The following CCDC171 variants were observed in gnomAD, a reference collection of about 807,000 sequenced individuals.
CCDC171 encodes coiled-coil domain-containing protein 171.
Under a neutral mutation model 168.2 loss-of-function variants are expected in CCDC171, and 177 were observed. The ratio of observed to expected loss-of-function variants is 1.05; its 90% CI spans 0.93 to 1.19. The LOEUF (loss-of-function observed/expected upper bound fraction) is 1.19, where lower values mean the gene tolerates loss of function less well. CCDC171 is among the 50% of genes most tolerant of loss of function. The pLI, the probability that CCDC171 is intolerant of heterozygous loss-of-function variation, is 0.00. For missense variants in CCDC171, 1,991 were observed against 1,539.0 expected (o/e 1.29, Z -4.91); for synonymous variants, 687 against 540.8 (o/e 1.27, Z -3.75).
At chr9:15,620,605 A>G (rs1406995225) in intron 6 of CCDC171, among the ~76,000 whole-genome samples, 1 of 152,232 alleles carries the variant, frequency 6.6e-6, no homozygotes, top group Non-Finnish European at 1.5e-5. Context: ...CCTGGTGGAG[A>G]TGCTGTGAAC....
rs759311081 is a variant in CCDC171 at position 15,723,727 on chromosome 9, C to G, written c.1472C>G (p.Ser491Cys). 9.1e-6 allele frequency: 14 copies of G among 1,540,262 alleles called. No individual in the cohort carries two copies. The highest frequency in any genetic ancestry group is 1.2e-5 in the Non-Finnish European group (14 of 1,121,216). The change falls in exon 13 of 26, where the codon TCT becomes TGT. Residue 491 changes from serine to cysteine, a missense_variant. Physicochemically the swap from Ser to Cys is moderately radical, Grantham distance 112. Coordinates refer to ENST00000380701, the MANE Select transcript of CCDC171 (RefSeq NM_173550.4). ...GATTCTACGAAACAGAAGATAGACT[C>G]TCACACTAAAAATATAAAGGTATTA... ...ELDSTKQKID[S>C]HTKNIKELQD...
chr9:16,004,556 A>C (rs1004202985), intron 3 of CCDC171, among the ~76,000 whole-genome samples: 1 of 152,072 alleles, frequency 6.6e-6, no homozygotes, highest in Non-Finnish European at 1.5e-5. Flanking sequence ...TTTAACTGTG[A>C]ATGCCCTTGG....
At chr9:15,958,662 A>G (rs1830051942) in intron 25 of CCDC171, among the ~76,000 whole-genome samples, 3 of 151,868 alleles carry the variant, frequency 2.0e-5, no homozygotes, top group African/African-American at 7.2e-5. Flanking sequence ...GCCTCCTTCT[A>G]AATAGAAAGG....
intron 11 of CCDC171, among the ~76,000 whole-genome samples, chr9:15,718,454 G>A (rs1237042151): frequency 6.6e-6 from 1 of 152,226 alleles, no homozygotes; most frequent in African/African-American, 2.4e-5. Flanking sequence ...CCTGCTTATT[G>A]TAGAGCCCTA....
At chr9:15,671,597 C>A (rs2133257468) in intron 9 of CCDC171, among the ~76,000 whole-genome samples, 1 of 147,492 alleles carries the variant, frequency 6.8e-6, no homozygotes, top group East Asian at 2.1e-4. Flanking sequence ...CTATGAGTGA[C>A]AACATGCAGT....
chr9:16,042,336 G>A (rs1427769152), upstream of CCDC171, among the ~76,000 whole-genome samples: 1 of 152,196 alleles, frequency 6.6e-6, no homozygotes, highest in East Asian at 1.9e-4. Context: ...AGAGGATCAT[G>A]AGGATTCTGG....
chr9:15,563,889 A>G (rs752180518), intron 1 of CCDC171, 89 bp from the exon 2 acceptor site: 63 of 530,878 alleles, frequency 1.2e-4, no homozygotes, highest in Non-Finnish European at 1.9e-4. Context: ...ATCAATTATT[A>G]CATCTTTCCA....
rs79225072 is a variant in CCDC171 at position 15,763,348 on chromosome 9, C to T, written c.2672-14252C>T. Among the ~76,000 whole-genome samples, 512 of 152,294 alleles carry T rather than the reference C, an allele frequency of 3.4e-3. 3 individuals carry two copies. Among genetic ancestry groups the T allele is most frequent in the African/African-American group, 0.012 (501 of 41,548 alleles). Reference sequence around the variant, plus strand: ...GCATGATTGAATGGATCATGCTCCACATTGTTGACCTCAATATCTAGTTCT... The same window carrying T: ...GCATGATTGAATGGATCATGCTCCATATTGTTGACCTCAATATCTAGTTCT... On this transcript the variant is annotated intron_variant, in intron 18 of 25. Coordinates refer to ENST00000380701, the MANE Select transcript of CCDC171 (RefSeq NM_173550.4).
At chr9:15,870,264 G>A (rs2061979377) in intron 23 of CCDC171, among the ~76,000 whole-genome samples, 1 of 151,772 alleles carries the variant, frequency 6.6e-6, no homozygotes, top group Non-Finnish European at 1.5e-5. Context: ...AAGCAGTAAG[G>A]AATCAGTGGG....
intron 10 of CCDC171, among the ~76,000 whole-genome samples, chr9:15,683,056 T>C (rs2050143910): frequency 6.6e-6 from 1 of 152,010 alleles, no homozygotes; most frequent in African/African-American, 2.4e-5. Flanking sequence ...CTTTCTTCAA[T>C]GAAATTTTCT....
intron 8 of CCDC171, among the ~76,000 whole-genome samples, chr9:15,661,009 G>T (rs775208340): frequency 3.9e-5 from 6 of 151,910 alleles, no homozygotes; most frequent in Non-Finnish European, 7.4e-5. Context: ...TGCCGGGCGC[G>T]GGGGCTCACG....
At chr9:15,874,066 T>C (rs996928753) in intron 23 of CCDC171, among the ~76,000 whole-genome samples, 1 of 152,134 alleles carries the variant, frequency 6.6e-6, no homozygotes, top group Admixed American at 6.6e-5. Context: ...GTTTTGATTC[T>C]AGAGTACATG....
At chr9:16,059,059 A>G (rs887515347) in intron 1 of CCDC171, among the ~76,000 whole-genome samples, 1 of 152,182 alleles carries the variant, frequency 6.6e-6, no homozygotes, top group Non-Finnish European at 1.5e-5. Context: ...CTGTCTCCAC[A>G]GTGACCTCGC....
At chr9:15,693,769 A>T (rs560774979) in intron 10 of CCDC171, among the ~76,000 whole-genome samples, 4 of 152,160 alleles carry the variant, frequency 2.6e-5, no homozygotes, top group African/African-American at 7.2e-5. Flanking sequence ...TTTAACATCA[A>T]TCTTTAAATG....
chr9:15,803,993 C>T (rs2058953979), intron 21 of CCDC171, among the ~76,000 whole-genome samples: 1 of 152,012 alleles, frequency 6.6e-6, no homozygotes, highest in Admixed American at 6.6e-5. Flanking sequence ...CTTTTTGTGG[C>T]AATTGTGAAT....
At chr9:16,103,064 AG>A in the CCDC171 span, among the ~76,000 whole-genome samples, 1 of 152,210 alleles carries the variant, frequency 6.6e-6, no homozygotes, top group Non-Finnish European at 1.5e-5. Flanking sequence ...TCACCTCCTG[AG>A]GGGACCTGCA....
intron 5 of CCDC171, chr9:16,022,659 C>G (rs1199536472): frequency 6.6e-6 from 1 of 152,260 alleles, no homozygotes; most frequent in Non-Finnish European, 1.5e-5. Flanking sequence ...ATTAACACAC[C>G]TGAAATTGAG....
At chr9:15,795,954 A>G (rs562374988) in intron 21 of CCDC171, among the ~76,000 whole-genome samples, 7 of 152,360 alleles carry the variant, frequency 4.6e-5, no homozygotes, top group African/African-American at 1.4e-4. Flanking sequence ...TCAATTAGGG[A>G]TGTTTCTGCA....
At chr9:15,710,518 G>A (rs1255660286) in intron 11 of CCDC171, among the ~76,000 whole-genome samples, 1 of 152,002 alleles carries the variant, frequency 6.6e-6, no homozygotes, top group Non-Finnish European at 1.5e-5. Flanking sequence ...AGCCAGGATG[G>A]TCTCAATCTC....
Sources: gnomAD v4.1 joint callset for allele counts (sites outside exome capture counted in the v4.1 genomes callset) on GRCh38, gnomAD v4.1.1 for gene constraint, MANE v1.5 for transcripts, NCBI Gene and HGNC (gene_info 2026-07-23, HGNC 2026-07-21) for gene names.